Variants in P3H2 observed in about 807,000 individuals in gnomAD.
The protein encoded by P3H2 is prolyl 3-hydroxylase 2.
A neutral mutation model predicts 87.0 loss-of-function variants in P3H2; 80 were observed. The observed-to-expected ratio is 0.92, with a 90% CI of 0.77 to 1.11. The LOEUF is 1.11. Among genes scored for constraint, P3H2 ranks in the 50% least tolerant of loss-of-function variants. The probability of loss-of-function intolerance (pLI) is 0.00; values close to 1 mark genes in which losing one functional copy is unlikely to be tolerated. For synonymous variants in P3H2, 367 were observed against 359.3 expected (o/e 1.02, Z -0.24); for missense variants, 1,001 against 923.9 (o/e 1.08, Z -1.08).
At chr3:189,991,282 G>T (rs1236624038) in intron 3 of P3H2, among the ~76,000 whole-genome samples, 1 of 152,158 alleles carries the variant, frequency 6.6e-6, no homozygotes, top group Non-Finnish European at 1.5e-5. Context: ...TTGATTTTGG[G>T]TAACTGGGTG....
chr3:189,978,629 A>G (rs943357735), intron 8 of P3H2, among the ~76,000 whole-genome samples: 2 of 152,098 alleles, frequency 1.3e-5, no homozygotes, highest in South Asian at 4.2e-4. Flanking sequence ...GTAGAATTTT[A>G]CACAGATATT....
intron 13 of P3H2, chr3:189,969,198 G>A: frequency 1.4e-6 from 1 of 711,874 alleles, no homozygotes. Flanking sequence ...GCTCCTTCCA[G>A]CAGTCATAAT....
chr3:189,979,154 T>A (rs1435946659), intron 8 of P3H2, among the ~76,000 whole-genome samples: 1 of 152,136 alleles, frequency 6.6e-6, no homozygotes, highest in Non-Finnish European at 1.5e-5. Flanking sequence ...CAAGGCACGG[T>A]GGCTCACACC....
rs373504621 is a variant in P3H2 at position 189,991,324 on chromosome 3, T to C, written c.824-2286A>G. Among the ~76,000 whole-genome samples the C allele has an allele frequency of 7.2e-5, 11 of 152,234 alleles. No homozygotes were observed. The East Asian group carries it at 1.5e-3, about 21-fold the overall frequency. On this transcript the variant is annotated intron_variant, in intron 3 of 14. Coordinates refer to ENST00000319332, the MANE Select transcript of P3H2 (RefSeq NM_018192.4). ...AAATTGGTCATTCGTCACATTAATT[T>C]TCAGTCTACTTCCTAGTCTAATTTT... is the stretch of plus-strand genomic sequence containing the variant.
At position 189,994,222 on chromosome 3, in the gene P3H2, T is replaced by G; in HGVS notation, c.695A>C (p.His232Pro). The change falls in exon 3 of 15, where the codon CAC becomes CCC. Residue 232 changes from histidine (H) to proline (P), a missense_variant. Transcript: ENST00000319332. ...EADDFEMAIR[H>P]FEQALREYFV... is the part of the protein sequence containing the mutation. Reference sequence around the variant, plus strand: ...ATATTCTCTTAAGGCTTGTTCGAAGTGCCTGATAGCCATCTCAAAGTCATC... The same window carrying G: ...ATATTCTCTTAAGGCTTGTTCGAAGGGCCTGATAGCCATCTCAAAGTCATC... The G allele has an allele frequency of 6.2e-7, 1 of 1,613,918 alleles. No individual in the cohort carries two copies. The highest frequency in any genetic ancestry group is 8.5e-7 in the Non-Finnish European group (1 of 1,179,920).
At chr3:190,049,515 C>T (rs958918329) in intron 1 of P3H2, among the ~76,000 whole-genome samples, 2 of 152,176 alleles carry the variant, frequency 1.3e-5, no homozygotes, top group African/African-American at 4.8e-5. Flanking sequence ...GTGACAAATA[C>T]ATTTCGCTTT....
At chr3:190,057,979 T>G (rs11928986) in intron 1 of P3H2, among the ~76,000 whole-genome samples, 10,306 of 152,004 alleles carry the variant, frequency 0.068, 961 homozygotes, top group East Asian at 0.21. Flanking sequence ...CTGGGTCTAT[T>G]TGTGAAAGAT....
chr3:190,100,502 A>T (rs1711586790), intron 1 of P3H2, among the ~76,000 whole-genome samples: 1 of 152,162 alleles, frequency 6.6e-6, no homozygotes, highest in Non-Finnish European at 1.5e-5. Context: ...ATATTAAAAT[A>T]TATTGAAGCT....
At chr3:190,053,852 C>T (rs1726065910) in intron 1 of P3H2, among the ~76,000 whole-genome samples, 2 of 152,104 alleles carry the variant, frequency 1.3e-5, no homozygotes, top group Admixed American at 1.3e-4. Context: ...ATTTTCTAAT[C>T]AAGACGTATT....
chr3:190,054,088 T>A (rs1451753989), intron 1 of P3H2, among the ~76,000 whole-genome samples: 1 of 152,216 alleles, frequency 6.6e-6, no homozygotes, highest in East Asian at 1.9e-4. Flanking sequence ...CTAATGTTCT[T>A]AGCCACTATG....
Position 190,063,449 on chromosome 3 carries a change from A to C in P3H2, c.480+56803T>G, listed in dbSNP as rs534475567. On this transcript the variant is annotated intron_variant, in intron 1 of 14. Coordinates refer to ENST00000319332, the MANE Select transcript of P3H2 (RefSeq NM_018192.4). Reference sequence around the variant, plus strand: ...AGACAGTACTAATGGTTCTCTTTAAATAGGACAACCACATCAGACACCGCT... The same window carrying C: ...AGACAGTACTAATGGTTCTCTTTAACTAGGACAACCACATCAGACACCGCT... 5.9e-5 allele frequency among the ~76,000 whole-genome samples: 9 copies of C among 152,308 alleles called. 1 individual carries two copies. The highest frequency in any genetic ancestry group is 2.2e-4 in the African/African-American group (9 of 41,586).
rs201676771 is a variant in P3H2, at chr3:189,971,989, T to C, written c.1718A>G (p.Asn573Ser). 3.9e-5 allele frequency: 63 copies of C among 1,611,726 alleles called. No homozygotes were observed. The highest frequency in any genetic ancestry group is 6.7e-5 in the Admixed American group (4 of 60,006). The change falls in exon 12 of 15, where the codon AAT (asparagine) becomes AGT (serine). Residue 573 changes from asparagine (N) to serine (S), a missense_variant. Physicochemically the swap from Asn to Ser is conservative, Grantham distance 46 (BLOSUM62 1). Coordinates refer to ENST00000319332, the MANE Select transcript of P3H2 (RefSeq NM_018192.4). Reference protein sequence around the residue: ...TALSGQQDRRNDLSHPIHADN... With the variant: ...TALSGQQDRRSDLSHPIHADN... The stretch of plus-strand genomic sequence containing the variant: ...AGCATGGATGGGATGACTGAGGTCA[T>C]TTCTTCTATCCTGCTGACCTGCCAG...
chr3:189,996,414 C>G (rs1724053611), intron 1 of P3H2, among the ~76,000 whole-genome samples: 1 of 152,088 alleles, frequency 6.6e-6, no homozygotes, highest in African/African-American at 2.4e-5. Flanking sequence ...AACAGTTGAT[C>G]TCATAGAAGT....
intron 1 of P3H2, among the ~76,000 whole-genome samples, chr3:190,119,231 C>CAGCAGAGCAGAGCAGAGCAG (rs143484200): frequency 8.2e-6 from 1 of 121,744 alleles, no homozygotes; most frequent in Non-Finnish European, 1.7e-5. Context: ...AAGCAGAGCA[C>CAGCAGAGCAGAGCAGAGCAG]AGCAGAGCAG....
upstream of P3H2, chr3:190,120,919 G>A (rs557908613): frequency 1.1e-5 from 9 of 854,942 alleles, no homozygotes; most frequent in South Asian, 1.3e-4. Context: ...CTGGCCAGCC[G>A]CTCTTAAAGG....
At chr3:190,069,579 A>G (rs1266677854) in intron 1 of P3H2, among the ~76,000 whole-genome samples, 2 of 152,164 alleles carry the variant, frequency 1.3e-5, no homozygotes, top group Non-Finnish European at 2.9e-5. Context: ...TCTGTGTGTT[A>G]AAATTCTACC....
intron 9 of P3H2, 72 bp from the exon 10 acceptor site, chr3:189,974,076 T>G: frequency 1.6e-6 from 2 of 1,286,446 alleles, no homozygotes; most frequent in Non-Finnish European, 2.3e-6. Context: ...CTGCTTTGGC[T>G]GCCAGAAAGC....
chr3:190,041,031 TATATATACACACAC>T lies in P3H2; in HGVS notation c.481-45603_481-45590del, dbSNP rs1299503981. Among the ~76,000 whole-genome samples the T allele has an allele frequency of 5.0e-4, 26 of 51,706 alleles. 1 individual carries two copies. Among genetic ancestry groups the T allele is most frequent in the African/African-American group, 1.7e-3 (25 of 14,936 alleles). The allele number at this position is 51,706 out of a possible 152,430, so 33.9% of individuals were successfully genotyped here. ...AAACCATGGCTCTACTATATATATA[TATATATACACACAC>T]ACACACACACACACACACACACACA... is the stretch of plus-strand genomic sequence containing the variant. On this transcript the variant is annotated intron_variant, in intron 1 of 14. Coordinates refer to ENST00000319332, the MANE Select transcript of P3H2 (RefSeq NM_018192.4).
chr3:189,974,996 C>G (rs997113185), intron 8 of P3H2, among the ~76,000 whole-genome samples: 1 of 152,286 alleles, frequency 6.6e-6, no homozygotes, highest in African/African-American at 2.4e-5. Flanking sequence ...TCATAGGACT[C>G]TCTTCTGAGA....
Sources: gnomAD v4.1 joint callset for allele counts (sites outside exome capture counted in the v4.1 genomes callset) on GRCh38, gnomAD v4.1.1 for gene constraint, MANE v1.5 for transcripts, NCBI Gene and HGNC (gene_info 2026-07-23, HGNC 2026-07-21) for gene names.